ADARB2: variants seen among roughly 807,000 people sequenced by gnomAD.
The protein encoded by ADARB2 is inactive double-stranded RNA-specific editase B2.
In ADARB2, 25 loss-of-function variants were observed where a neutral mutation model predicts 62.2. The observed-to-expected ratio is 0.40, with a 90% CI of 0.29 to 0.56. The LOEUF is 0.56. ADARB2 is among the 20% of genes least tolerant of loss of function. The pLI, the probability that ADARB2 is intolerant of heterozygous loss-of-function variation, is 0.43. For missense variants in ADARB2, 1,071 were observed against 1,077.4 expected (o/e 0.99, Z 0.08); for synonymous variants, 572 against 500.8 (o/e 1.14, Z -1.90).
chr10:1,240,912 A>C (rs1830914334), intron 5 of ADARB2, among the ~76,000 whole-genome samples: 1 of 152,212 alleles, frequency 6.6e-6, no homozygotes, highest in South Asian at 2.1e-4. Context: ...TGCACCCCGC[A>C]GGCCTCAGGG....
intron 1 of ADARB2, among the ~76,000 whole-genome samples, chr10:1,454,438 G>T (rs1256602084): frequency 6.6e-6 from 1 of 152,186 alleles, no homozygotes; most frequent in African/African-American, 2.4e-5. Flanking sequence ...AAATTTGGAA[G>T]CATCTATCCA....
At chr10:1,234,408 AC>A (rs1456095400) in intron 5 of ADARB2, among the ~76,000 whole-genome samples, 4 of 152,068 alleles carry the variant, frequency 2.6e-5, no homozygotes, top group Non-Finnish European at 5.9e-5. Context: ...CTGCTTTCTT[AC>A]CCCCGCCTTG....
intron 4 of ADARB2, among the ~76,000 whole-genome samples, chr10:1,266,991 G>A (rs944284909): frequency 3.9e-5 from 6 of 152,006 alleles, no homozygotes; most frequent in Non-Finnish European, 7.4e-5. Flanking sequence ...AGTAAAAGCA[G>A]AAAATTAATA....
At chr10:1,499,874 T>G (rs1382978351) in intron 1 of ADARB2, among the ~76,000 whole-genome samples, 2 of 152,070 alleles carry the variant, frequency 1.3e-5, no homozygotes, top group African/African-American at 2.4e-5. Context: ...CATCATTTAG[T>G]CATTACTCAC....
intron 3 of ADARB2, among the ~76,000 whole-genome samples, chr10:1,284,965 G>A (rs1416599703): frequency 2.6e-5 from 4 of 152,124 alleles, no homozygotes; most frequent in Non-Finnish European, 5.9e-5. Flanking sequence ...AGATGCCCCA[G>A]CTCCTGCAGA....
At position 1,737,493 on chromosome 10, in the gene ADARB2, G is replaced by A. The variant is rs921201625; in HGVS notation, c.-343C>T. 3.0e-5 allele frequency: 9 copies of A among 296,612 alleles called. No individual in the cohort carries two copies. Among genetic ancestry groups the A allele is most frequent in the South Asian group, 1.7e-4 (3 of 18,020 alleles). 18.4% of individuals were successfully genotyped at this position (296,612 alleles called of 1,614,324 possible). A position where few individuals can be genotyped will look rare whatever the true frequency, so the allele number is the denominator to read the frequency against. On this transcript the variant is annotated 5_prime_UTR_variant, in exon 1 of 10. Transcript: ENST00000381312. ...CCCAGCGCAGGGAGGCTACTTTTGC[G>A]CCTCTGCTAGTTGTTTGGCACCAGC...
chr10:1,510,096 T>TTTCTTTCTCTCTCTC (rs1564312412), intron 1 of ADARB2, among the ~76,000 whole-genome samples: 1 of 124,760 alleles, frequency 8.0e-6, no homozygotes, highest in Non-Finnish European at 1.7e-5. Context: ...TCTCTCTCTC[T>TTTCTTTCTCTCTCTC]TTTCTTTCTT....
chr10:1,444,509 T>A (rs2131897537), intron 1 of ADARB2, among the ~76,000 whole-genome samples: 1 of 146,234 alleles, frequency 6.8e-6, no homozygotes, highest in South Asian at 2.3e-4. Flanking sequence ...CATCCATTCA[T>A]CCACCCACTC....
intron 1 of ADARB2, among the ~76,000 whole-genome samples, chr10:1,658,415 T>G (rs1834200718): frequency 6.6e-6 from 1 of 152,124 alleles, no homozygotes; most frequent in South Asian, 2.1e-4. Context: ...TATCTGATAC[T>G]GTCTCTGTCT....
rs1013972532 is a variant in ADARB2, at chr10:1,309,062, C to A, written c.1078-37993G>T. 3.3e-5 allele frequency among the ~76,000 whole-genome samples: 5 copies of A among 152,258 alleles called. No homozygotes were observed. In the South Asian group the frequency reaches 1.0e-3, roughly 32 times the overall value. On this transcript the variant is annotated intron_variant, in intron 3 of 9. Transcript: ENST00000381312. ...TTAACTGATGGATATTTAGACTAAC[C>A]GAAGTCCATGCCTCTGACAGCAAAC...
At chr10:1,560,347 C>T (rs192757896) in intron 1 of ADARB2, among the ~76,000 whole-genome samples, 85 of 152,296 alleles carry the variant, frequency 5.6e-4, no homozygotes, top group Middle Eastern at 6.8e-3. Context: ...AGTTTAACAA[C>T]TTCTTTCACC....
At chr10:1,588,053 C>G (rs552577395) in intron 1 of ADARB2, among the ~76,000 whole-genome samples, 1 of 152,162 alleles carries the variant, frequency 6.6e-6, no homozygotes, top group Non-Finnish European at 1.5e-5. Flanking sequence ...TGCAACAATA[C>G]TATGACAAGG....
intron 3 of ADARB2, among the ~76,000 whole-genome samples, chr10:1,295,328 C>T (rs958514381): frequency 1.3e-5 from 2 of 151,918 alleles, no homozygotes; most frequent in Admixed American, 6.6e-5. Flanking sequence ...TGTGAGAGTT[C>T]GGTGCAGGAA....
chr10:1,585,777 G>A (rs1004275487), intron 1 of ADARB2, among the ~76,000 whole-genome samples: 1 of 152,216 alleles, frequency 6.6e-6, no homozygotes, highest in Non-Finnish European at 1.5e-5. Context: ...TCTCACACCT[G>A]TAATCTCAGC....
chr10:1,697,720 G>A (rs143338042), intron 1 of ADARB2, among the ~76,000 whole-genome samples: 2 of 152,232 alleles, frequency 1.3e-5, no homozygotes, highest in East Asian at 3.9e-4. Context: ...AGTCCCCGGC[G>A]GGCTGACGGA....
intron 7 of ADARB2, among the ~76,000 whole-genome samples, chr10:1,211,376 C>T (rs1382546140): frequency 2.6e-5 from 4 of 152,058 alleles, no homozygotes; most frequent in African/African-American, 9.7e-5. Flanking sequence ...TATCTGTCAT[C>T]TCTATCCATC....
intron 1 of ADARB2, among the ~76,000 whole-genome samples, chr10:1,646,035 C>T (rs947851768): frequency 6.6e-6 from 1 of 152,134 alleles, no homozygotes; most frequent in Non-Finnish European, 1.5e-5. Context: ...CCCAGGGACA[C>T]ATGAGGATGG....
chr10:1,578,513 G>A (rs1279456359), intron 1 of ADARB2, among the ~76,000 whole-genome samples: 1 of 152,184 alleles, frequency 6.6e-6, no homozygotes, highest in African/African-American at 2.4e-5. Flanking sequence ...TGCAAAGGCA[G>A]CCCCGCCTGT....
chr10:1,402,589 C>A (rs560785136), intron 1 of ADARB2, among the ~76,000 whole-genome samples: 1 of 152,124 alleles, frequency 6.6e-6, no homozygotes, highest in Non-Finnish European at 1.5e-5. Flanking sequence ...CAGCCAATGG[C>A]GCACACTGTC....
Sources: gnomAD v4.1 joint callset for allele counts (sites outside exome capture counted in the v4.1 genomes callset) on GRCh38, gnomAD v4.1.1 for gene constraint, MANE v1.5 for transcripts, NCBI Gene and HGNC (gene_info 2026-07-23, HGNC 2026-07-21) for gene names.